SKAP1: variants seen among roughly 807,000 people sequenced by gnomAD.
SKAP1 encodes src kinase associated phosphoprotein 1.
A neutral mutation model predicts 58.5 loss-of-function variants in SKAP1; 44 were observed. The ratio of observed to expected loss-of-function variants is 0.75; its 90% CI spans 0.59 to 0.97. The LOEUF is 0.97. Among genes scored for constraint, SKAP1 ranks in the 50% least tolerant of loss-of-function variants. The pLI is 0.00. For missense variants in SKAP1, 390 were observed against 435.2 expected (o/e 0.90, Z 0.92); for synonymous variants, 127 against 149.7 (o/e 0.85, Z 1.11).
intron 10 of SKAP1, among the ~76,000 whole-genome samples, chr17:48,166,159 C>G (rs1256327839): frequency 6.6e-6 from 1 of 152,098 alleles, no homozygotes; most frequent in Non-Finnish European, 1.5e-5. Flanking sequence ...ATTTAAATTG[C>G]TAGCAGAGCT....
intron 4 of SKAP1, among the ~76,000 whole-genome samples, chr17:48,196,525 A>G (rs914338810): frequency 6.6e-5 from 10 of 152,160 alleles, no homozygotes; most frequent in African/African-American, 1.7e-4. Context: ...ACAGTACCCA[A>G]TAATAGTTTT....
upstream of SKAP1, among the ~76,000 whole-genome samples, chr17:48,433,676 G>C (rs1234530673): frequency 6.6e-6 from 1 of 152,146 alleles, no homozygotes; most frequent in Non-Finnish European, 1.5e-5. Context: ...AATTAGATAA[G>C]ATAAGGGGAT....
At chr17:48,168,689 C>T (rs1373893671) in intron 10 of SKAP1, among the ~76,000 whole-genome samples, 1 of 151,976 alleles carries the variant, frequency 6.6e-6, no homozygotes, top group Non-Finnish European at 1.5e-5. Context: ...AAAACACACA[C>T]CTGAGAAAAA....
At chr17:48,371,953 C>T (rs1379344770) in intron 2 of SKAP1, among the ~76,000 whole-genome samples, 2 of 151,984 alleles carry the variant, frequency 1.3e-5, no homozygotes, top group Admixed American at 1.3e-4. Flanking sequence ...GCTAGATATA[C>T]ACATATACAT....
intron 2 of SKAP1, among the ~76,000 whole-genome samples, chr17:48,393,537 T>C (rs1435752194): frequency 1.3e-5 from 2 of 152,156 alleles, no homozygotes; most frequent in Admixed American, 6.5e-5. Flanking sequence ...TTATAATAGC[T>C]GTGATAGAGT....
chr17:48,289,363 A>G (rs8069900), intron 4 of SKAP1, among the ~76,000 whole-genome samples: 31,544 of 152,090 alleles, frequency 0.21, 3,279 homozygotes, highest in Admixed American at 0.22. Flanking sequence ...AAAAAATTTG[A>G]TATCTTGGAA....
chr17:48,444,703 C>A, the SKAP1 span, among the ~76,000 whole-genome samples: 26 of 152,322 alleles, frequency 1.7e-4, no homozygotes, highest in South Asian at 5.4e-3. Context: ...GCCCATTTGT[C>A]GCTGCCTATG....
intron 2 of SKAP1, 144 bp from the exon 3 acceptor site, chr17:48,363,958 A>G (rs2144400038): frequency 2.0e-6 from 1 of 511,852 alleles, no homozygotes; most frequent in East Asian, 3.1e-5. Flanking sequence ...TTTGAGAAAA[A>G]CAAAAGGTTA....
rs1021858843 is a variant in SKAP1 at position 48,350,863 on chromosome 17, T to C, written c.179-4857A>G. Among the ~76,000 whole-genome samples the C allele has an allele frequency of 3.3e-5, 5 of 152,200 alleles. 1 individual carries two copies. Among genetic ancestry groups the C allele is most frequent in the East Asian group, 3.8e-4 (2 of 5,208 alleles). Reference sequence around the variant, plus strand: ...TTGGAAGGAAACACATGACTTCCTATTCTATTTAATATTTAAGATCCCATA... The same window carrying C: ...TTGGAAGGAAACACATGACTTCCTACTCTATTTAATATTTAAGATCCCATA... On this transcript the variant is annotated intron_variant, in intron 3 of 12. Coordinates refer to ENST00000336915, the MANE Select transcript of SKAP1 (RefSeq NM_003726.4).
At chr17:48,256,127 T>C (rs553975997) in intron 4 of SKAP1, among the ~76,000 whole-genome samples, 149 of 152,142 alleles carry the variant, frequency 9.8e-4, no homozygotes, top group Non-Finnish European at 1.4e-3. Context: ...TTTGTCACTT[T>C]CTCACTGGCT....
At chr17:48,396,902 A>G (rs926701371) in intron 1 of SKAP1, 117 bp from the exon 2 acceptor site, 9 of 632,450 alleles carry the variant, frequency 1.4e-5, no homozygotes, top group Non-Finnish European at 2.1e-5. Context: ...CAATGTGCAC[A>G]TGTACCCTAA....
rs1038269034 is a variant in SKAP1, at chr17:48,383,890, T to A, written c.152+12790A>T. ...CGCCATCATCATGCCCGGCTAATTT[T>A]TTTGTATTTTTTTTTAGCAGAGATG... is the stretch of plus-strand genomic sequence containing the variant. On this transcript the variant is annotated intron_variant, in intron 2 of 12. Coordinates refer to ENST00000336915, the MANE Select transcript of SKAP1 (RefSeq NM_003726.4). Among the ~76,000 whole-genome samples, 31 of 151,992 alleles carry A rather than the reference T, an allele frequency of 2.0e-4. No homozygotes were observed. In the East Asian group the frequency reaches 6.0e-3, roughly 29 times the overall value.
chr17:48,150,084 T>C (rs756687368), intron 11 of SKAP1, among the ~76,000 whole-genome samples: 12 of 152,204 alleles, frequency 7.9e-5, no homozygotes, highest in Non-Finnish European at 1.6e-4. Context: ...CGATTGAAAT[T>C]AACTTTTTAT....
intron 4 of SKAP1, among the ~76,000 whole-genome samples, chr17:48,326,301 T>A (rs971752836): frequency 1.3e-5 from 2 of 152,234 alleles, no homozygotes; most frequent in African/African-American, 4.8e-5. Flanking sequence ...GTCAAAATCT[T>A]CCTGCCTCAT....
intron 2 of SKAP1, among the ~76,000 whole-genome samples, chr17:48,393,198 G>C (rs1461834214): frequency 6.6e-6 from 1 of 152,124 alleles, no homozygotes; most frequent in Non-Finnish European, 1.5e-5. Flanking sequence ...TCACAGCTTA[G>C]GACAACAAAT....
In SKAP1 at chr17:48,189,527, T is replaced by C. The variant is rs559000351; in HGVS notation, c.281-27A>G. The C allele has an allele frequency of 1.1e-5, 18 of 1,580,040 alleles. No individual in the cohort carries two copies. In the African/African-American group the frequency reaches 1.6e-4, roughly 14 times the overall value. ...TAAAAGGACCAATGGCAAAATGCTT[T>C]ATTGAAACCTGGCAAAATTTTCATT... On this transcript the variant is annotated intron_variant, in intron 4 of 12. Transcript: ENST00000336915.
chr17:48,216,888 A>AT (rs1244528821), intron 4 of SKAP1, among the ~76,000 whole-genome samples: 1 of 152,208 alleles, frequency 6.6e-6, no homozygotes, highest in Non-Finnish European at 1.5e-5. Context: ...TATTATAAGT[A>AT]TCAGATTCAA....
At chr17:48,408,928 C>T (rs1251718096) in intron 1 of SKAP1, among the ~76,000 whole-genome samples, 1 of 152,218 alleles carries the variant, frequency 6.6e-6, no homozygotes, top group East Asian at 1.9e-4. Flanking sequence ...AGCAAAGAGA[C>T]TTAACAAGTT....
chr17:48,323,754 G>T (rs144393927), intron 4 of SKAP1, among the ~76,000 whole-genome samples: 2 of 152,104 alleles, frequency 1.3e-5, no homozygotes, highest in Non-Finnish European at 2.9e-5. Context: ...ACATAGGAAG[G>T]CCTGGACAAA....
Sources: allele counts gnomAD v4.1 joint callset (sites outside exome capture counted in the v4.1 genomes callset), GRCh38; gene constraint gnomAD v4.1.1; transcripts MANE v1.5; gene names NCBI Gene and HGNC (gene_info 2026-07-23, HGNC 2026-07-21).